Variants in CLUH observed in about 807,000 individuals in gnomAD.
The protein encoded by CLUH is CLUH binding protein of NUMT mRNA, also known as clustered mitochondria protein homolog.
In CLUH, 77 loss-of-function variants were observed where a neutral mutation model predicts 139.3. The ratio of observed to expected loss-of-function variants is 0.55; its 90% confidence interval spans 0.46 to 0.67. CLUH has a LOEUF of 0.67. Ranked by LOEUF, CLUH falls within the 30% of genes least tolerant of loss-of-function variation. CLUH has a pLI of 0.00. For missense variants in CLUH, 1,876 were observed against 1,875.8 expected (o/e 1.00, Z 0.00); for synonymous variants, 999 against 801.6 (o/e 1.25, Z -4.16).
Position 2,701,938 on chromosome 17 carries a change from C to T in CLUH, c.595G>A (p.Val199Ile). Residue 199 changes from valine to isoleucine, a missense_variant, in exon 4 of 26, where the codon GTC (valine) becomes ATC (isoleucine). Coordinates refer to ENST00000651024, the MANE Select transcript of CLUH (RefSeq NM_001366661.1). ...VDCNSLSFLS[V>I]FTDGDLGDSG... ...CCTCCCAGGTCGCCGTCGGTGAAGA[C>T]ACTCAGGAAGGACAAGGAGTTGCAG... 1 of 1,613,976 alleles carries T rather than the reference C, an allele frequency of 6.2e-7. No individual in the cohort carries two copies. Among genetic ancestry groups the T allele is most frequent in the Non-Finnish European group, 8.5e-7 (1 of 1,179,910 alleles).
Position 2,697,994 on chromosome 17 carries a change from C to T in CLUH, c.1863G>A (p.Glu621=), listed in dbSNP as rs866957191. The change falls in exon 10 of 26, where the codon GAG becomes GAA. Residue 621 remains glutamate (E), a synonymous_variant. Coordinates refer to ENST00000651024, the MANE Select transcript of CLUH (RefSeq NM_001366661.1). ...CGGCGCGGGCGCATTCCTCAGGCAG[C>T]TCCTCGCCAGGCACGGGCAGGAAGT... ...DLNFLPVPGE[E]LPEECARAGF... is the part of the protein sequence containing the mutation. 1 of 1,595,874 alleles carries T rather than the reference C, an allele frequency of 6.3e-7. No individual in the cohort carries two copies. The highest frequency in any genetic ancestry group is 1.3e-5 in the African/African-American group (1 of 74,926).
intron 8 of CLUH, 37 bp from the exon 9 acceptor site, chr17:2,700,511 CTG>C: frequency 6.3e-7 from 1 of 1,592,658 alleles, no homozygotes; most frequent in Non-Finnish European, 8.5e-7. Flanking sequence ...CGAGCTCAGC[CTG>C]TGCCCTGTGA....
intron 9 of CLUH, 40 bp downstream of exon 9, chr17:2,700,342 A>G: frequency 1.3e-6 from 2 of 1,562,258 alleles, no homozygotes; most frequent in Non-Finnish European, 1.7e-6. Context: ...GCAGGTGGAC[A>G]GCGGGCCTCA....
Position 2,697,951 on chromosome 17 carries a change from G to A in CLUH, c.1906C>T (p.Arg636Trp), listed in dbSNP as rs750528964. The stretch of plus-strand genomic sequence containing the variant: ...TGGCGCAGGCAGCAGAGCTTGTGCC[G>A]GTGGGCGCGGGGGAAGCCGGCGCGG... ...CARAGFPRAH[R>W]HKLCCLRQEL... Residue 636 changes from arginine (R) to tryptophan (W), a missense_variant, in exon 10 of 26, where the codon CGG becomes TGG. This residue lies in a region of CLUH where 1,454 missense variants were observed against 1,384.4 expected (regional missense o/e 1.05). Coordinates refer to ENST00000651024, the MANE Select transcript of CLUH (RefSeq NM_001366661.1). 1 of 1,560,412 alleles carries A rather than the reference G, an allele frequency of 6.4e-7. No homozygotes were observed. The highest frequency in any genetic ancestry group is 2.3e-5 in the East Asian group (1 of 42,560).
chr17:2,690,762 C>A lies in CLUH; in HGVS notation c.3879G>T (p.Glu1293Asp). 6.6e-7 allele frequency: 1 copy of A among 1,518,970 alleles called. No homozygotes were observed. Among genetic ancestry groups the A allele is most frequent in the South Asian group, 1.3e-5 (1 of 76,158 alleles). 94.1% of individuals were successfully genotyped at this position (1,518,970 alleles called of 1,614,324 possible). ...GCCGCGCCACCTCGGCTTTCAGATT[C>A]TCCAGGTCTTTTTGGCTGAGGATAA... ...LFIPLSQKDL[E>D]NLKAEVARRH... Residue 1293 changes from glutamate (E) to aspartate (D), a missense_variant, in exon 26 of 26, where the codon GAG becomes GAT. Physicochemically the swap from Glu to Asp is conservative, Grantham distance 45 (BLOSUM62 2). Transcript: ENST00000651024.
At position 2,704,451 on chromosome 17, in the gene CLUH, C is replaced by T. The variant is rs2070289019; in HGVS notation, c.214G>A (p.Glu72Lys). ...ACAATGACTTCCTGGCCGGTGGTCT[C>T]ATCTCCCGGGCCGGCCTCGTCAAGC... Reference protein sequence around the residue: ...NGLDEAGPGDETTGQEVIVIQ... With the variant: ...NGLDEAGPGDKTTGQEVIVIQ... Residue 72 changes from glutamate (E) to lysine (K), a missense_variant, in exon 2 of 26, where the codon GAG becomes AAG. Coordinates refer to ENST00000651024, the MANE Select transcript of CLUH (RefSeq NM_001366661.1). The surrounding 1 kb of genome is among the most constrained non-coding windows in gnomAD (Gnocchi z 5.7). 1.2e-6 allele frequency: 2 copies of T among 1,606,380 alleles called. No individual in the cohort carries two copies. The highest frequency in any genetic ancestry group is 1.1e-5 in the South Asian group (1 of 89,488).
In CLUH at chr17:2,696,167, G is replaced by A; in HGVS notation, c.2383C>T (p.Pro795Ser). ...AAAFLLSCQI[P>S]GLVKDCMEHA... ...CGCAGCCCCTCCCTCACCAAGCCAGGGATCTGGCAGGAGAGCAGGAAGGCA... is the reference window on the plus strand; with the variant it reads ...CGCAGCCCCTCCCTCACCAAGCCAGAGATCTGGCAGGAGAGCAGGAAGGCA... Residue 795 changes from proline (P) to serine (S), a missense_variant, in exon 13 of 26, where the codon CCT becomes TCT. Pro to Ser is a moderately conservative substitution (Grantham distance 74). Transcript: ENST00000651024. 6 of 1,560,222 alleles carry A rather than the reference G, an allele frequency of 3.8e-6. No homozygotes were observed. The highest frequency in any genetic ancestry group is 5.2e-6 in the Non-Finnish European group (6 of 1,152,270).
Position 2,690,495 on chromosome 17 carries a change from G to A in CLUH, c.*99C>T, listed in dbSNP as rs959947423. Reference sequence around the variant, plus strand: ...GGTGGGGTGAGACGTGGAGGAAGAGGGCCTTGCTTCCTCTTCCGCCCGCAG... The same window carrying A: ...GGTGGGGTGAGACGTGGAGGAAGAGAGCCTTGCTTCCTCTTCCGCCCGCAG... On this transcript the variant is annotated 3_prime_UTR_variant, in exon 26 of 26. Transcript: ENST00000651024. 1.5e-5 allele frequency: 16 copies of A among 1,080,392 alleles called. No individual in the cohort carries two copies. Among genetic ancestry groups the A allele is most frequent in the South Asian group, 1.4e-4 (7 of 48,316 alleles). The allele number at this position is 1,080,392 out of a possible 1,614,324, so 66.9% of individuals were successfully genotyped here.
intron 22 of CLUH, 65 bp from the exon 23 acceptor site, chr17:2,692,162 CG>C: frequency 2.0e-6 from 3 of 1,490,644 alleles, no homozygotes; most frequent in Non-Finnish European, 1.8e-6. Flanking sequence ...GGGCCTGACT[CG>C]GGGGCCCGGG....
At chr17:2,696,293 C>T in intron 12 of CLUH, 34 bp from the exon 13 acceptor site, 1 of 1,545,282 alleles carries the variant, frequency 6.5e-7, no homozygotes, top group Non-Finnish European at 8.8e-7. Flanking sequence ...CTGAGCCAGG[C>T]AGTGGCAAGA....
intron 23 of CLUH, 37 bp from the exon 24 acceptor site, chr17:2,691,932 C>CCCCCGCGG (rs1259801418): frequency 1.8e-6 from 2 of 1,129,044 alleles, no homozygotes; most frequent in Non-Finnish European, 2.2e-6. Flanking sequence ...CCCCCCCGTG[C>CCCCCGCGG]CCCCGCGGCC....
Position 2,696,715 on chromosome 17 carries a change from C to A in CLUH, c.2185+4G>T. 1.2e-6 allele frequency: 2 copies of A among 1,611,540 alleles called. No individual in the cohort carries two copies. The highest frequency in any genetic ancestry group is 8.5e-7 in the Non-Finnish European group (1 of 1,179,678). ...TCTCTCCCGGCCATCTGCAGCAGCC[C>A]CACCTGTGCCGTCGTCTGCGGCGAT... is the stretch of plus-strand genomic sequence containing the variant. On this transcript the variant is annotated splice_donor_region_variant and intron_variant, in intron 11 of 25. Transcript: ENST00000651024.
In CLUH at chr17:2,704,936, C is replaced by G. The variant is rs966937838; in HGVS notation, c.101-372G>C. ...CTCTTCTCTGACCCCACACAGTGCC[C>G]TTGCCCCTCCCTCTCCAGCTCCATC... On this transcript the variant is annotated intron_variant, in intron 1 of 25. Transcript: ENST00000651024. The surrounding 1 kb of genome is among the most constrained non-coding windows in gnomAD (Gnocchi z 5.7). 2.0e-5 allele frequency among the ~76,000 whole-genome samples: 3 copies of G among 152,144 alleles called. No individual in the cohort carries two copies. The highest frequency in any genetic ancestry group is 7.2e-5 in the African/African-American group (3 of 41,444).
Position 2,704,195 on chromosome 17 carries a change from G to A in CLUH, c.303+167C>T, listed in dbSNP as rs1217578574. ...GGGGCAACGACCTGACCCTGGGCTCGATTCCCACGTCCACCACGCTAGCTG... is the reference window on the plus strand; with the variant it reads ...GGGGCAACGACCTGACCCTGGGCTCAATTCCCACGTCCACCACGCTAGCTG... On this transcript the variant is annotated intron_variant, in intron 2 of 25. Transcript: ENST00000651024. The surrounding 1 kb of genome is among the most constrained non-coding windows in gnomAD (Gnocchi z 5.7). Among the ~76,000 whole-genome samples the A allele has an allele frequency of 1.3e-5, 2 of 152,180 alleles. No homozygotes were observed. The highest frequency in any genetic ancestry group is 2.1e-4 in the South Asian group (1 of 4,836).
Position 2,694,964 on chromosome 17 carries a change from C to G in CLUH, c.2745G>C (p.Arg915=). 6.2e-7 allele frequency: 1 copy of G among 1,612,940 alleles called. No homozygotes were observed. The highest frequency in any genetic ancestry group is 1.1e-5 in the South Asian group (1 of 90,938). Residue 915 remains arginine, a synonymous_variant, in exon 16 of 26, where the codon CGG becomes CGC. Transcript: ENST00000651024. ...CTGTGTTATCTGCAGCCCCCGGGGGCCGGTTTTTCCTCCTCTTATTCCGCT... is the reference window on the plus strand; with the variant it reads ...CTGTGTTATCTGCAGCCCCCGGGGGGCGGTTTTTCCTCCTCTTATTCCGCT... The part of the protein sequence containing the change: ...SKKRNKRRKN[R]PPGAADNTAW...
chr17:2,694,653 C>G (rs113104780), intron 16 of CLUH, 89 bp from the exon 17 acceptor site: 146,601 of 1,394,212 alleles, frequency 0.11, 9,011 homozygotes, highest in Non-Finnish European at 0.12. Flanking sequence ...CTGTCCAGCC[C>G]GGGCCCCCAA....
At position 2,700,737 on chromosome 17, in the gene CLUH, C is replaced by T. The variant is rs566844565; in HGVS notation, c.1114G>A (p.Val372Met). Residue 372 changes from valine to methionine, a missense_variant, in exon 8 of 26, where the codon GTG becomes ATG. Physicochemically the swap from Val to Met is conservative, Grantham distance 21. Around this residue, in one of 3 missense-constraint regions of CLUH, gnomAD observed 1,454 missense variants for 1,384.4 expected, o/e 1.05. Transcript: ENST00000651024. ...GAGGTGTAGGCGTCCTCTGCACGCA[C>T]GCAATCCATGGCATGCTCCGCCTGG... ...APQAEHAMDC[V>M]RAEDAYTSRL... The T allele has an allele frequency of 1.7e-5, 26 of 1,546,096 alleles. No homozygotes were observed. The South Asian group carries it at 2.3e-4, about 14-fold the overall frequency.
intron 22 of CLUH, 93 bp from the exon 23 acceptor site, chr17:2,692,190 T>C: frequency 2.8e-6 from 4 of 1,454,538 alleles, no homozygotes; most frequent in South Asian, 1.2e-5. Context: ...CGTAGATCCC[T>C]CCCTGGAAGC....
intron 10 of CLUH, 146 bp from the exon 11 acceptor site, chr17:2,697,088 C>T: frequency 3.2e-6 from 2 of 633,244 alleles, no homozygotes; most frequent in Non-Finnish European, 5.4e-6. Context: ...GCAGAAAAAC[C>T]AAGATCTCCC....
Sources: gnomAD v4.1 joint callset for allele counts (sites outside exome capture counted in the v4.1 genomes callset) on GRCh38, gnomAD v4.1.1 for gene constraint, gnomAD v4.1.1 regional missense constraint, Gnocchi (gnomAD v3.1) non-coding constraint, MANE v1.5 for transcripts, NCBI Gene and HGNC (gene_info 2026-07-23, HGNC 2026-07-21) for gene names.